BCAS3: variants seen among roughly 807,000 people sequenced by gnomAD.
BCAS3 encodes BCAS3 microtubule associated cell migration factor, also known as BCAS4/BCAS3 fusion.
A neutral mutation model predicts 116.1 loss-of-function variants in BCAS3; 53 were observed. The ratio of observed to expected loss-of-function variants is 0.46; its 90% CI spans 0.37 to 0.57. The LOEUF (loss-of-function observed/expected upper bound fraction) is 0.57. BCAS3 is among the 20% of genes least tolerant of loss of function. The pLI is 0.00. For synonymous variants in BCAS3, 391 were observed against 408.2 expected, an observed-to-expected ratio of 0.96 and a Z score of 0.51; for missense variants, 917 against 1,165.4, an observed-to-expected ratio of 0.79 and a Z score of 3.10.
intron 23 of BCAS3, chr17:61,389,084 C>A (rs2060000854): frequency 4.4e-6 from 1 of 227,912 alleles, no homozygotes; most frequent in Non-Finnish European, 8.7e-6. Context: ...CCGAGGGGGT[C>A]TCCCCTAGAT....
chr17:61,121,458 G>T (rs1274538491), intron 22 of BCAS3, among the ~76,000 whole-genome samples: 2 of 151,978 alleles, frequency 1.3e-5, no homozygotes, highest in Admixed American at 6.6e-5. Flanking sequence ...TAATGCTTTT[G>T]TCTATTTAAG....
intron 5 of BCAS3, among the ~76,000 whole-genome samples, chr17:60,743,131 T>A (rs1014816937): frequency 1.0e-4 from 15 of 148,836 alleles, no homozygotes; most frequent in East Asian, 2.0e-4. Flanking sequence ...AAAAAAAAAA[T>A]TTGTAATATT....
rs1011118415 is a variant in BCAS3 at position 60,677,913 on chromosome 17, C to G, written c.-7C>G. ...GACTAGCGTTAACCGGCGGGGCGGC[C>G]GGTGAGAGGGCTGGCAGGGCTTTGG... On this transcript the variant is annotated splice_region_variant and 5_prime_UTR_variant, in exon 1 of 24. Transcript: ENST00000407086. 2 of 153,558 alleles carry G rather than the reference C, an allele frequency of 1.3e-5. No individual in the cohort carries two copies. Among genetic ancestry groups the G allele is most frequent in the Non-Finnish European group, 2.9e-5 (2 of 68,742 alleles). The allele number at this position is 153,558 out of a possible 1,614,324, so 9.5% of individuals were successfully genotyped here. A position where few individuals can be genotyped will look rare whatever the true frequency, so the allele number is the denominator to read the frequency against.
chr17:61,095,023 G>A lies in BCAS3; in HGVS notation c.2425+10459G>A, dbSNP rs1042555542. ...CATTCCAAATGCAAGATAGGACAAA[G>A]GATTTTAATGTAATAGAATATGAAA... On this transcript the variant is annotated intron_variant, in intron 22 of 23. Transcript: ENST00000407086. This position sits in a 1 kb window ranked among gnomAD's most constrained non-coding sequence, Gnocchi z 4.7. Among the ~76,000 whole-genome samples the A allele has an allele frequency of 2.0e-5, 3 of 152,112 alleles. No homozygotes were observed. Among genetic ancestry groups the A allele is most frequent in the Non-Finnish European group, 4.4e-5 (3 of 68,022 alleles).
At chr17:60,970,295 G>T (rs999561121) in intron 14 of BCAS3, among the ~76,000 whole-genome samples, 1 of 151,912 alleles carries the variant, frequency 6.6e-6, no homozygotes, top group African/African-American at 2.4e-5. Flanking sequence ...ACTAAAAAAT[G>T]TTCAGTTAAT....
chr17:61,090,142 C>T (rs2073432411), intron 22 of BCAS3, among the ~76,000 whole-genome samples: 2 of 152,126 alleles, frequency 1.3e-5, no homozygotes, highest in South Asian at 4.1e-4. Context: ...ATTAAGAGTC[C>T]CTATGCAAAA....
At chr17:61,074,031 C>T (rs1460170300) in intron 19 of BCAS3, among the ~76,000 whole-genome samples, 5 of 150,728 alleles carry the variant, frequency 3.3e-5, no homozygotes, top group Non-Finnish European at 7.4e-5. Flanking sequence ...ATGGTTTGAG[C>T]CCAGAAGTTT....
At chr17:60,730,036 A>G (rs191292845) in intron 5 of BCAS3, among the ~76,000 whole-genome samples, 1 of 152,350 alleles carries the variant, frequency 6.6e-6, no homozygotes, top group East Asian at 1.9e-4. Context: ...GGAAGATACC[A>G]TTAAGGCGGC....
rs2077556689 is a variant in BCAS3, at chr17:61,151,831, T to G, written c.2425+67267T>G. ...GTCTCTGGATACAGTGTTGATGAGATAGACCACAGGCTTTTCATGCCAATA... is the reference window on the plus strand; with the variant it reads ...GTCTCTGGATACAGTGTTGATGAGAGAGACCACAGGCTTTTCATGCCAATA... On this transcript the variant is annotated intron_variant, in intron 22 of 23. Transcript: ENST00000407086. This position sits in a 1 kb window ranked among gnomAD's most constrained non-coding sequence, Gnocchi z 4.8. Among the ~76,000 whole-genome samples the G allele has an allele frequency of 6.6e-6, 1 of 152,150 alleles. No homozygotes were observed. Among genetic ancestry groups the G allele is most frequent in the South Asian group, 2.1e-4 (1 of 4,832 alleles).
chr17:61,069,970 A>T, intron 19 of BCAS3: 1 of 1,581,292 alleles, frequency 6.3e-7, no homozygotes, highest in African/African-American at 1.3e-5. Flanking sequence ...AGGTGTCCAC[A>T]GCCACAAAAA....
In BCAS3 at chr17:61,139,759, C is replaced by T. The variant is rs1380825609; in HGVS notation, c.2425+55195C>T. ...ACTTGGAATTCAGTTGATAAAAATA[C>T]AACCCTAGTGACCATAGAATAAGGC... is the stretch of plus-strand genomic sequence containing the variant. On this transcript the variant is annotated intron_variant, in intron 22 of 23. Coordinates refer to ENST00000407086, the MANE Select transcript of BCAS3 (RefSeq NM_017679.5). The surrounding 1 kb of genome is among the most constrained non-coding windows in gnomAD (Gnocchi z 4.7). Among the ~76,000 whole-genome samples, 1 of 152,166 alleles carries T rather than the reference C, an allele frequency of 6.6e-6. No homozygotes were observed. The highest frequency in any genetic ancestry group is 1.5e-5 in the Non-Finnish European group (1 of 68,026).
At position 61,337,252 on chromosome 17, in the gene BCAS3, AG is replaced by A. The variant is rs1394112329; in HGVS notation, c.2426-31073del. Reference sequence around the variant, plus strand: ...GAGCCATGTCAGTGTCTGTAAATAGAGGCAGTTGCAGGTTCACGTATCTTGG... The same window carrying A: ...GAGCCATGTCAGTGTCTGTAAATAGAGCAGTTGCAGGTTCACGTATCTTGG... On this transcript the variant is annotated intron_variant, in intron 22 of 23. Transcript: ENST00000407086. The surrounding 1 kb of genome is among the most constrained non-coding windows in gnomAD (Gnocchi z 4.8). 1.3e-5 allele frequency among the ~76,000 whole-genome samples: 2 copies of A among 152,160 alleles called. No homozygotes were observed. Among genetic ancestry groups the A allele is most frequent in the Admixed American group, 6.5e-5 (1 of 15,282 alleles).
At chr17:60,815,542 T>A (rs1022167988) in intron 7 of BCAS3, among the ~76,000 whole-genome samples, 2 of 152,180 alleles carry the variant, frequency 1.3e-5, no homozygotes, top group Non-Finnish European at 2.9e-5. Context: ...TCCAGTTTTT[T>A]AAATAAAGTA....
chr17:61,176,978 T>A (rs1188176414), intron 22 of BCAS3, among the ~76,000 whole-genome samples: 1 of 152,208 alleles, frequency 6.6e-6, no homozygotes, highest in Non-Finnish European at 1.5e-5. Context: ...CTTAGAGATT[T>A]GCAAATTAAA....
At position 60,905,624 on chromosome 17, in the gene BCAS3, G is replaced by A. The variant is rs542307403; in HGVS notation, c.822+2921G>A. Among the ~76,000 whole-genome samples, 7 of 152,150 alleles carry A rather than the reference G, an allele frequency of 4.6e-5. No individual in the cohort carries two copies. The South Asian group carries it at 6.2e-4, about 14-fold the overall frequency. Reference sequence around the variant, plus strand: ...ATTATGACTTGAGTCCTTGTGAAGCGGTGTCATTTGTCTGGGGTAATACCC... The same window carrying A: ...ATTATGACTTGAGTCCTTGTGAAGCAGTGTCATTTGTCTGGGGTAATACCC... On this transcript the variant is annotated intron_variant, in intron 11 of 23. Transcript: ENST00000407086.
At position 61,388,759 on chromosome 17, in the gene BCAS3, G is replaced by A; in HGVS notation, c.2594-3218G>A. 6.7e-7 allele frequency: 1 copy of A among 1,497,920 alleles called. No individual in the cohort carries two copies. Among genetic ancestry groups the A allele is most frequent in the South Asian group, 1.2e-5 (1 of 81,852 alleles). 92.8% of individuals were successfully genotyped at this position (1,497,920 alleles called of 1,614,324 possible). On this transcript the variant is annotated intron_variant, in intron 23 of 23. Transcript: ENST00000407086. The surrounding 1 kb of genome is among the most constrained non-coding windows in gnomAD (Gnocchi z 6.5). ...GCTTGCTCGTAGGGCTGGGCGGCCGGGATGACTTGGAGGGGGGAATCTGAG... is the reference window on the plus strand; with the variant it reads ...GCTTGCTCGTAGGGCTGGGCGGCCGAGATGACTTGGAGGGGGGAATCTGAG...
At chr17:60,987,292 CT>C (rs2063203860) in intron 14 of BCAS3, 1 of 108,632 alleles carries the variant, frequency 9.2e-6, no homozygotes, top group African/African-American at 3.5e-5. Context: ...TTTTTTTTTT[CT>C]TTTTGCTCAG....
chr17:60,906,555 C>G lies in BCAS3; in HGVS notation c.822+3852C>G, dbSNP rs563640664. 7.9e-5 allele frequency among the ~76,000 whole-genome samples: 12 copies of G among 152,268 alleles called. No individual in the cohort carries two copies. In the South Asian group the frequency reaches 2.1e-3, roughly 26 times the overall value. On this transcript the variant is annotated intron_variant, in intron 11 of 23. Transcript: ENST00000407086. ...ACCACTTAGTTTCTTAGCACCCTAC[C>G]TCCTGCTTCCTAGAATCACCAGATA... is the stretch of plus-strand genomic sequence containing the variant.
intron 6 of BCAS3, among the ~76,000 whole-genome samples, chr17:60,773,950 C>G (rs1015692514): frequency 6.6e-6 from 1 of 152,174 alleles, no homozygotes; most frequent in African/African-American, 2.4e-5. Context: ...CCCGGCCTTA[C>G]TGTTATGTTC....
Sources: allele counts gnomAD v4.1 joint callset (sites outside exome capture counted in the v4.1 genomes callset), GRCh38; gene constraint gnomAD v4.1.1; non-coding constraint Gnocchi (gnomAD v3.1); transcripts MANE v1.5; gene names NCBI Gene and HGNC (gene_info 2026-07-23, HGNC 2026-07-21).